The following PTPN13 variants were observed in gnomAD, a reference collection of about 807,000 sequenced individuals.
PTPN13 encodes protein tyrosine phosphatase non-receptor type 13.
In PTPN13, 191 loss-of-function variants were observed where a neutral mutation model predicts 284.0. The ratio of observed to expected loss-of-function variants is 0.67; its 90% confidence interval spans 0.60 to 0.76. The LOEUF (loss-of-function observed/expected upper bound fraction) is 0.76, where lower values mean the gene tolerates loss of function less well. Ranked by LOEUF, PTPN13 falls within the 30% of genes least tolerant of loss-of-function variation. The pLI, the probability that PTPN13 is intolerant of heterozygous loss-of-function variation, is 0.00. For missense variants in PTPN13, 2,797 were observed against 2,939.9 expected, an observed-to-expected ratio of 0.95 and a Z score of 1.12; for synonymous variants, 986 against 1,022.3, an observed-to-expected ratio of 0.96 and a Z score of 0.68.
chr4:86,721,148 A>T (rs1733608401), intron 9 of PTPN13, among the ~76,000 whole-genome samples: 1 of 152,084 alleles, frequency 6.6e-6, no homozygotes, highest in Non-Finnish European at 1.5e-5. Flanking sequence ...TGGAGAGATA[A>T]CAATGATAAT....
intron 1 of PTPN13, among the ~76,000 whole-genome samples, chr4:86,620,208 C>T (rs765505656): frequency 6.6e-6 from 1 of 152,084 alleles, no homozygotes; most frequent in African/African-American, 2.4e-5. Context: ...CTCTGTTGCC[C>T]GGGCTGGAGT....
intron 2 of PTPN13, among the ~76,000 whole-genome samples, chr4:86,650,798 A>T (rs1013443941): frequency 2.6e-5 from 4 of 152,148 alleles, no homozygotes; most frequent in African/African-American, 9.7e-5. Flanking sequence ...GAATTTGTTT[A>T]TCGGTTCCAA....
At chr4:86,721,647 G>A (rs1174233590) in intron 9 of PTPN13, among the ~76,000 whole-genome samples, 2 of 151,642 alleles carry the variant, frequency 1.3e-5, no homozygotes, top group African/African-American at 2.4e-5. Context: ...TCAGGAACTG[G>A]GGACAAAGAT....
At chr4:86,617,550 T>C (rs903500670) in intron 1 of PTPN13, among the ~76,000 whole-genome samples, 1 of 152,164 alleles carries the variant, frequency 6.6e-6, no homozygotes. Context: ...GCATTAGGTA[T>C]ATCTCCTAAT....
chr4:86,620,761 T>C lies in PTPN13; in HGVS notation c.-5-14491T>C, dbSNP rs189709793. On this transcript the variant is annotated intron_variant, in intron 1 of 47. Coordinates refer to ENST00000411767, the MANE Select transcript of PTPN13 (RefSeq NM_080683.3). The stretch of plus-strand genomic sequence containing the variant: ...GAAATAATATTTCTACCAAGTGCTC[T>C]TCCCTAAATCAGTGCATTACTATCT... Among the ~76,000 whole-genome samples the C allele has an allele frequency of 3.2e-4, 49 of 152,340 alleles. 1 individual carries two copies. In the East Asian group the frequency reaches 5.2e-3, roughly 16 times the overall value.
chr4:86,797,011 T>C, intron 41 of PTPN13, 82 bp downstream of exon 41: 1 of 970,216 alleles, frequency 1.0e-6, no homozygotes, highest in Non-Finnish European at 1.5e-6. Context: ...TTTTCCAGTA[T>C]AAAATAAGCA....
intron 28 of PTPN13, among the ~76,000 whole-genome samples, chr4:86,768,946 G>A (rs1739656183): frequency 6.6e-6 from 1 of 151,926 alleles, no homozygotes; most frequent in South Asian, 2.1e-4. Context: ...CTGACCTCAG[G>A]TGATCCGCCC....
intron 7 of PTPN13, among the ~76,000 whole-genome samples, chr4:86,707,616 C>G (rs1731909827): frequency 6.6e-6 from 1 of 152,048 alleles, no homozygotes; most frequent in East Asian, 1.9e-4. Flanking sequence ...CTTTTAGTAT[C>G]TTAATAATTT....
At position 86,737,652 on chromosome 4, in the gene PTPN13, GT is replaced by G. The variant is rs35215675; in HGVS notation, c.2304+1917del. 7.3e-3 allele frequency among the ~76,000 whole-genome samples: 1,068 copies of G among 145,954 alleles called. 3 individuals carry two copies. Among genetic ancestry groups the G allele is most frequent in the Middle Eastern group, 0.032 (9 of 280 alleles). ...ACTACTGATCTGCTATTACCATAGT[GT>G]TTTTTTTTTTCTAAAATGTCATGTA... On this transcript the variant is annotated intron_variant, in intron 15 of 47. Transcript: ENST00000411767.
At chr4:86,619,659 TA>T (rs1438540389) in intron 1 of PTPN13, among the ~76,000 whole-genome samples, 1 of 152,188 alleles carries the variant, frequency 6.6e-6, no homozygotes, top group Non-Finnish European at 1.5e-5. Context: ...TGGCTTAAGG[TA>T]GAGCTTTTCT....
intron 2 of PTPN13, among the ~76,000 whole-genome samples, chr4:86,645,713 G>T (rs1724343125): frequency 6.6e-6 from 1 of 152,130 alleles, no homozygotes; most frequent in African/African-American, 2.4e-5. Context: ...AGAGAGCTAT[G>T]GTGTGTTCCT....
rs1283103345 is a variant in PTPN13, at chr4:86,744,985, A to G, written c.2507A>G (p.Gln836Arg). 2 of 1,579,384 alleles carry G rather than the reference A, an allele frequency of 1.3e-6. No homozygotes were observed. Among genetic ancestry groups the G allele is most frequent in the African/African-American group, 2.7e-5 (2 of 74,112 alleles). Reference protein sequence around the residue: ...ISFSKKKITLQNTSDGIKHGF... With the variant: ...ISFSKKKITLRNTSDGIKHGF... ...TTGTAGAAAAAGAAAATCACATTGC[A>G]AAATACATCAGATGGAATAAAACAT... The change falls in exon 17 of 48, where the codon CAA becomes CGA. Residue 836 changes from glutamine (Q) to arginine (R), a missense_variant. Coordinates refer to ENST00000411767, the MANE Select transcript of PTPN13 (RefSeq NM_080683.3).
At chr4:86,636,214 G>T (rs1342014178) in intron 2 of PTPN13, among the ~76,000 whole-genome samples, 1 of 152,156 alleles carries the variant, frequency 6.6e-6, no homozygotes, top group Non-Finnish European at 1.5e-5. Context: ...ATGCATCCGT[G>T]TTACTCTAAA....
Position 86,632,933 on chromosome 4 carries a change from T to A in PTPN13, c.-5-2319T>A, listed in dbSNP as rs72870673. On this transcript the variant is annotated intron_variant, in intron 1 of 47. Transcript: ENST00000411767. ...AAGCGAGCCTCCCTTTTCAGCCTCC[T>A]TAATAGGTAGGACTACAGTAGGCAC... is the stretch of plus-strand genomic sequence containing the variant. Among the ~76,000 whole-genome samples, 418 of 152,156 alleles carry A rather than the reference T, an allele frequency of 2.7e-3. 4 individuals are homozygous for A. The highest frequency in any genetic ancestry group is 9.6e-3 in the African/African-American group (398 of 41,510).
In PTPN13 at chr4:86,774,488, C is replaced by A; in HGVS notation, c.5465C>A (p.Ala1822Asp). ...GTTCATGATGTCATACAGGATCCAG[C>A]CAAAAGTGATGGAAGGCTAAAACCT... ...CYVHDVIQDP[A>D]KSDGRLKPGD... The change falls in exon 33 of 48, where the codon GCC (alanine) becomes GAC (aspartate). Residue 1822 changes from alanine (A) to aspartate (D), a missense_variant. By Grantham distance (126) the Ala-to-Asp change is moderately radical (BLOSUM62 -2). Transcript: ENST00000411767. 6.2e-7 allele frequency: 1 copy of A among 1,604,082 alleles called. No homozygotes were observed. Among genetic ancestry groups the A allele is most frequent in the Non-Finnish European group, 8.5e-7 (1 of 1,175,030 alleles).
chr4:86,689,156 A>T lies in PTPN13; in HGVS notation c.512A>T (p.His171Leu), dbSNP rs1729758163. 1 of 1,613,604 alleles carries T rather than the reference A, an allele frequency of 6.2e-7. No individual in the cohort carries two copies. Residue 171 changes from histidine to leucine, a missense_variant, in exon 5 of 48, where the codon CAC (histidine) becomes CTC (leucine). Coordinates refer to ENST00000411767, the MANE Select transcript of PTPN13 (RefSeq NM_080683.3). ...GCACCCTCATTTTCCTACGTGAAAC[A>T]CTTGGTAAAACTGGTTCTGGGAAAT... is the stretch of plus-strand genomic sequence containing the variant. ...NCAPSFSYVKHLVKLVLGNLS... is the reference protein window; with the variant it reads ...NCAPSFSYVKLLVKLVLGNLS...
chr4:86,759,677 T>A (rs1738435017), intron 23 of PTPN13, among the ~76,000 whole-genome samples: 2 of 152,198 alleles, frequency 1.3e-5, no homozygotes, highest in African/African-American at 4.8e-5. Context: ...GGTCAGATTC[T>A]GTTTCTACCA....
intron 1 of PTPN13, among the ~76,000 whole-genome samples, chr4:86,623,447 C>G (rs191477240): frequency 5.9e-5 from 9 of 152,266 alleles, no homozygotes; most frequent in Non-Finnish European, 1.2e-4. Flanking sequence ...TTCCTTAATC[C>G]AATTAAGCTG....
intron 27 of PTPN13, among the ~76,000 whole-genome samples, chr4:86,767,184 C>T (rs1578618013): frequency 6.6e-6 from 1 of 151,474 alleles, no homozygotes. Flanking sequence ...CTTCTTGCCC[C>T]AGCCTACCAA....
Sources: allele counts gnomAD v4.1 joint callset (sites outside exome capture counted in the v4.1 genomes callset), GRCh38; gene constraint gnomAD v4.1.1; transcripts MANE v1.5; gene names NCBI Gene and HGNC (gene_info 2026-07-23, HGNC 2026-07-21).